The following IQGAP1 variants were observed in gnomAD, a reference collection of about 807,000 sequenced individuals.
The protein encoded by IQGAP1 is IQ motif containing GTPase activating protein 1.
Under a neutral mutation model 215.6 loss-of-function variants are expected in IQGAP1, and 66 were observed. That is an observed-to-expected ratio of 0.31 (90% CI 0.25 to 0.38). The LOEUF is 0.38. IQGAP1 is among the 10% of genes least tolerant of loss of function. IQGAP1 has a pLI of 1.00. For missense variants in IQGAP1, 1,712 were observed against 1,997.1 expected, an observed-to-expected ratio of 0.86 and a Z score of 2.72; for synonymous variants, 772 against 728.7, an observed-to-expected ratio of 1.06 and a Z score of -0.96.
At chr15:90,418,362 G>A (rs534354059) in intron 2 of IQGAP1, among the ~76,000 whole-genome samples, 9 of 152,148 alleles carry the variant, frequency 5.9e-5, no homozygotes, top group Non-Finnish European at 1.3e-4. Context: ...TGAGGTGGAA[G>A]GATCCCTTGA....
At chr15:90,480,398 G>A (rs1966041391) in intron 26 of IQGAP1, among the ~76,000 whole-genome samples, 1 of 151,860 alleles carries the variant, frequency 6.6e-6, no homozygotes, top group African/African-American at 2.4e-5. Context: ...TCACCTCTTG[G>A]GAATGTTCTT....
In IQGAP1 at chr15:90,477,906, G is replaced by A; in HGVS notation, c.3329+17G>A. 6.7e-7 allele frequency: 1 copy of A among 1,486,660 alleles called. No individual in the cohort carries two copies. Among genetic ancestry groups the A allele is most frequent in the Non-Finnish European group, 9.4e-7 (1 of 1,064,004 alleles). 92.1% of individuals were successfully genotyped at this position (1,486,660 alleles called of 1,614,324 possible). On this transcript the variant is annotated intron_variant, in intron 26 of 37. Coordinates refer to ENST00000268182, the MANE Select transcript of IQGAP1 (RefSeq NM_003870.4). ...AGAGGCAAGGTATGTTAACCATAAT[G>A]ACACTTTTCTTTCATGTTGTTATAG...
chr15:90,497,196 TA>T, intron 36 of IQGAP1, 35 bp from the exon 37 acceptor site: 1 of 1,092,540 alleles, frequency 9.2e-7, no homozygotes, highest in Non-Finnish European at 1.4e-6. Context: ...TATGAGAATA[TA>T]AAAACCATAC....
intron 6 of IQGAP1, among the ~76,000 whole-genome samples, chr15:90,439,972 G>A (rs1417989404): frequency 1.3e-5 from 2 of 152,210 alleles, no homozygotes; most frequent in Non-Finnish European, 2.9e-5. Flanking sequence ...TGATTATTTT[G>A]TAGGCTTGAA....
chr15:90,484,146 G>A, intron 29 of IQGAP1, 74 bp from the exon 30 acceptor site: 1 of 1,354,304 alleles, frequency 7.4e-7, no homozygotes, highest in Non-Finnish European at 1.0e-6. Flanking sequence ...TGTGTGAGAG[G>A]TTTGTGAAAT....
intron 2 of IQGAP1, among the ~76,000 whole-genome samples, chr15:90,409,619 C>G (rs1313753224): frequency 6.6e-6 from 1 of 152,210 alleles, no homozygotes; most frequent in Non-Finnish European, 1.5e-5. Flanking sequence ...AAGTGTTCTA[C>G]TCACCTTGGC....
At chr15:90,390,903 A>G (rs370789431) in intron 2 of IQGAP1, 30 bp downstream of exon 2, 23 of 1,276,448 alleles carry the variant, frequency 1.8e-5, no homozygotes, top group Non-Finnish European at 2.6e-5. Flanking sequence ...AGAGAAGATT[A>G]AGAGAAGGGA....
rs1035183334 is a variant in IQGAP1 at position 90,454,545 on chromosome 15, A to G, written c.1605A>G (p.Glu535=). The G allele has an allele frequency of 1.3e-6, 2 of 1,570,300 alleles. No homozygotes were observed. The highest frequency in any genetic ancestry group is 1.9e-5 in the Admixed American group (1 of 52,294). Residue 535 remains glutamate, a synonymous_variant, in exon 14 of 38, where the codon GAA becomes GAG. Coordinates refer to ENST00000268182, the MANE Select transcript of IQGAP1 (RefSeq NM_003870.4). ...ATGTGAACCTGGTGGTGCAAGAGGA[A>G]CATGAGAGTGAGTTATCTTCCTGTC... ...VDHVNLVVQE[E]HERILAIGLI...
intron 11 of IQGAP1, among the ~76,000 whole-genome samples, chr15:90,452,107 C>T (rs1226996616): frequency 2.6e-5 from 4 of 152,162 alleles, no homozygotes; most frequent in Non-Finnish European, 5.9e-5. Flanking sequence ...GGATTACAAG[C>T]GTGAGCCACC....
intron 2 of IQGAP1, among the ~76,000 whole-genome samples, chr15:90,411,656 T>C (rs1964967944): frequency 6.6e-6 from 1 of 152,168 alleles, no homozygotes; most frequent in African/African-American, 2.4e-5. Flanking sequence ...GATTAGGCTG[T>C]AGAGCTGCTC....
intron 2 of IQGAP1, among the ~76,000 whole-genome samples, chr15:90,418,878 G>A (rs1965091832): frequency 6.6e-6 from 1 of 152,126 alleles, no homozygotes; most frequent in African/African-American, 2.4e-5. Flanking sequence ...ACTGGTTCGT[G>A]GCTCACGCCT....
chr15:90,477,683 T>A lies in IQGAP1; in HGVS notation c.3123T>A (p.Ile1041=). ...TTTATAGGTCGAAGGTAGATCAGATTCAAGAGATTGTGACAGGAAATCCTA... is the reference window on the plus strand; with the variant it reads ...TTTATAGGTCGAAGGTAGATCAGATACAAGAGATTGTGACAGGAAATCCTA... ...QEEIKSKVDQ[I]QEIVTGNPTV... Residue 1041 remains isoleucine (I), a synonymous_variant, in exon 26 of 38, where the codon ATT becomes ATA. Coordinates refer to ENST00000268182, the MANE Select transcript of IQGAP1 (RefSeq NM_003870.4). 1.2e-6 allele frequency: 2 copies of A among 1,613,340 alleles called. No homozygotes were observed. Among genetic ancestry groups the A allele is most frequent in the Non-Finnish European group, 1.7e-6 (2 of 1,179,342 alleles).
intron 2 of IQGAP1, among the ~76,000 whole-genome samples, chr15:90,413,559 G>C (rs1168258128): frequency 6.6e-6 from 1 of 152,166 alleles, no homozygotes; most frequent in Non-Finnish European, 1.5e-5. Context: ...TGTCAGCAAG[G>C]GTTGCACAGG....
chr15:90,418,300 A>G (rs1292664816), intron 2 of IQGAP1, among the ~76,000 whole-genome samples: 4 of 152,208 alleles, frequency 2.6e-5, no homozygotes, highest in Non-Finnish European at 2.9e-5. Context: ...AAGAATTACT[A>G]TGTAGGCTGA....
At chr15:90,490,639 T>C (rs1431749566) in intron 33 of IQGAP1, among the ~76,000 whole-genome samples, 1 of 152,184 alleles carries the variant, frequency 6.6e-6, no homozygotes, top group East Asian at 1.9e-4. Flanking sequence ...ATTAGTATAG[T>C]TATAACATTT....
intron 5 of IQGAP1, among the ~76,000 whole-genome samples, chr15:90,436,052 T>G (rs1596265142): frequency 1.5e-5 from 2 of 135,958 alleles, no homozygotes; most frequent in South Asian, 4.8e-4. Context: ...CTCTGTCTCC[T>G]CCCTGCTTGC....
chr15:90,388,455 C>T lies in IQGAP1; in HGVS notation c.55+59C>T. The stretch of plus-strand genomic sequence containing the variant: ...GGCTGGGCTAATTGCAGACGAGGCG[C>T]GATTTTCCTGGGGGCTCGGCCGGGC... On this transcript the variant is annotated intron_variant, in intron 1 of 37. Transcript: ENST00000268182. 4.0e-6 allele frequency: 5 copies of T among 1,257,822 alleles called. No homozygotes were observed. In the South Asian group the frequency reaches 4.1e-5, roughly 10 times the overall value. 77.9% of individuals were successfully genotyped at this position (1,257,822 alleles called of 1,614,324 possible). A position where few individuals can be genotyped will look rare whatever the true frequency, so the allele number is the denominator to read the frequency against.
chr15:90,389,821 G>T (rs967219064), intron 1 of IQGAP1, among the ~76,000 whole-genome samples: 1 of 151,764 alleles, frequency 6.6e-6, no homozygotes, highest in East Asian at 1.9e-4. Flanking sequence ...GCCAGGCGTG[G>T]TGGCCCATGC....
chr15:90,476,605 A>G (rs1965983123), intron 23 of IQGAP1, 58 bp from the exon 24 acceptor site: 3 of 1,370,162 alleles, frequency 2.2e-6, no homozygotes, highest in African/African-American at 1.5e-5. Flanking sequence ...CCTTTCCTCA[A>G]TGCCCAGAGG....
Sources: gnomAD v4.1 joint callset for allele counts (sites outside exome capture counted in the v4.1 genomes callset) on GRCh38, gnomAD v4.1.1 for gene constraint, MANE v1.5 for transcripts, NCBI Gene and HGNC (gene_info 2026-07-23, HGNC 2026-07-21) for gene names.